LRP6: variants seen among roughly 807,000 people sequenced by gnomAD.
The protein encoded by LRP6 is low-density lipoprotein receptor-related protein 6.
A neutral mutation model predicts 184.1 loss-of-function variants in LRP6; 43 were observed. The ratio of observed to expected loss-of-function variants is 0.23; its 90% confidence interval spans 0.18 to 0.30. The LOEUF is 0.30. Ranked by LOEUF, LRP6 falls within the 10% of genes least tolerant of loss-of-function variation. The pLI, the probability that LRP6 is intolerant of heterozygous loss-of-function variation, is 1.00. For missense variants in LRP6, 1,571 were observed against 2,005.3 expected (o/e 0.78, Z 4.14); for synonymous variants, 719 against 684.9 (o/e 1.05, Z -0.78).
At chr12:12,203,490 C>G (rs763389750) in intron 2 of LRP6, 90 bp from the exon 3 acceptor site, 7 of 1,050,210 alleles carry the variant, frequency 6.7e-6, no homozygotes, top group Non-Finnish European at 1.0e-5. Flanking sequence ...GCTCAGGCCG[C>G]GCGCAGTGGC....
chr12:12,252,402 T>C (rs1865344962), intron 1 of LRP6, among the ~76,000 whole-genome samples: 1 of 152,224 alleles, frequency 6.6e-6, no homozygotes, highest in South Asian at 2.1e-4. Flanking sequence ...GTTTATTTGA[T>C]CAAACGTTAT....
intron 15 of LRP6, 34 bp from the exon 16 acceptor site, chr12:12,138,568 C>T: frequency 6.4e-7 from 1 of 1,554,390 alleles, no homozygotes; most frequent in Non-Finnish European, 8.9e-7. Flanking sequence ...AGAAATGACT[C>T]ATGTGGGTCA....
chr12:12,155,514 T>C, intron 12 of LRP6: 1 of 786,454 alleles, frequency 1.3e-6, no homozygotes, highest in Non-Finnish European at 2.3e-6. Flanking sequence ...GGCAAGATTC[T>C]TGCCAACAGA....
chr12:12,183,652 T>C (rs1015400394), intron 5 of LRP6, among the ~76,000 whole-genome samples: 1 of 152,250 alleles, frequency 6.6e-6, no homozygotes, highest in Non-Finnish European at 1.5e-5. Flanking sequence ...TCACAAATGC[T>C]ACCTGTTAAA....
At chr12:12,220,723 T>C (rs1458460950) in intron 2 of LRP6, among the ~76,000 whole-genome samples, 2 of 151,766 alleles carry the variant, frequency 1.3e-5, no homozygotes, top group East Asian at 1.9e-4. Context: ...CTCAGCCTCC[T>C]GAGTAAATGG....
intron 19 of LRP6, among the ~76,000 whole-genome samples, chr12:12,129,567 T>C (rs1033798951): frequency 6.6e-6 from 1 of 152,162 alleles, no homozygotes; most frequent in Non-Finnish European, 1.5e-5. Context: ...TTTTCTTTTT[T>C]TTTGAGATGG....
rs916029851 is a variant in LRP6 at position 12,119,295 on chromosome 12, C to A, written c.*1831G>T. The A allele has an allele frequency of 6.6e-6, 1 of 151,908 alleles. No individual in the cohort carries two copies. Among genetic ancestry groups the A allele is most frequent in the African/African-American group, 2.4e-5 (1 of 41,336 alleles). The allele number at this position is 151,908 out of a possible 1,614,324, so 9.4% of individuals were successfully genotyped here. A position where few individuals can be genotyped will look rare whatever the true frequency, so the allele number is the denominator to read the frequency against. Reference sequence around the variant, plus strand: ...TGCCCAAATTCTGAATCCTTTCTTCCACTGTTTTCTCTTGGGCCCTGAAAC... The same window carrying A: ...TGCCCAAATTCTGAATCCTTTCTTCAACTGTTTTCTCTTGGGCCCTGAAAC... On this transcript the variant is annotated 3_prime_UTR_variant, in exon 23 of 23. Coordinates refer to ENST00000261349, the MANE Select transcript of LRP6 (RefSeq NM_002336.3).
chr12:12,163,204 G>A (rs1205780907), intron 9 of LRP6, among the ~76,000 whole-genome samples: 2 of 152,060 alleles, frequency 1.3e-5, no homozygotes, highest in Non-Finnish European at 2.9e-5. Flanking sequence ...TCAAACTCGT[G>A]ACCTCAGGTG....
rs867111551 is a variant in LRP6 at position 12,125,372 on chromosome 12, G to T, written c.4373C>A (p.Pro1458His). 3.7e-6 allele frequency: 6 copies of T among 1,613,742 alleles called. No individual in the cohort carries two copies. Among genetic ancestry groups the T allele is most frequent in the African/African-American group, 1.3e-5 (1 of 74,852 alleles). Residue 1458 changes from proline (P) to histidine (H), a missense_variant, in exon 21 of 23, where the codon CCC becomes CAC. By Grantham distance (77) the Pro-to-His change is moderately conservative. Transcript: ENST00000261349. ...TGTAACATGGGCTCGGTCATAGGGG[G>T]GTCCACTGCTTCCCCCCATGATACT... ...SLSIMGGSSG[P>H]PYDRAHVTGA...
intron 1 of LRP6, among the ~76,000 whole-genome samples, chr12:12,262,012 G>A (rs905957225): frequency 2.6e-5 from 4 of 152,162 alleles, no homozygotes; most frequent in East Asian, 1.9e-4. Flanking sequence ...GGAGGCAGAG[G>A]TGGGTGGATC....
intron 17 of LRP6, among the ~76,000 whole-genome samples, 199 bp downstream of exon 17, chr12:12,134,976 T>C (rs1949812801): frequency 6.6e-6 from 1 of 151,564 alleles, no homozygotes; most frequent in Admixed American, 6.6e-5. Context: ...AGAAACAGAG[T>C]AAAATGATGA....
At chr12:12,239,964 GA>G (rs1232151535) in intron 2 of LRP6, among the ~76,000 whole-genome samples, 1 of 148,012 alleles carries the variant, frequency 6.8e-6, no homozygotes. Context: ...TTGATATGAA[GA>G]AACTAAAACT....
chr12:12,207,770 A>G (rs1215844104), intron 2 of LRP6, among the ~76,000 whole-genome samples: 1 of 152,148 alleles, frequency 6.6e-6, no homozygotes, highest in African/African-American at 2.4e-5. Flanking sequence ...CTGGCTGAAC[A>G]TGGGTCAAAT....
At chr12:12,222,088 C>A (rs865861843) in intron 2 of LRP6, among the ~76,000 whole-genome samples, 5 of 152,096 alleles carry the variant, frequency 3.3e-5, no homozygotes, top group African/African-American at 9.7e-5. Context: ...AAAAGCTCTA[C>A]AAATTGGGAA....
chr12:12,137,580 CTAAGAA>C (rs1283385615), intron 16 of LRP6, among the ~76,000 whole-genome samples: 4 of 151,824 alleles, frequency 2.6e-5, no homozygotes, highest in African/African-American at 9.7e-5. Context: ...TTTGTTTTGC[CTAAGAA>C]TAAGATTAAC....
At chr12:12,214,418 A>C (rs1591954044) in intron 2 of LRP6, among the ~76,000 whole-genome samples, 1 of 152,234 alleles carries the variant, frequency 6.6e-6, no homozygotes, top group East Asian at 1.9e-4. Flanking sequence ...TCAAAGGCCC[A>C]GTCAGCTTAC....
At chr12:12,252,798 T>C (rs903978226) in intron 1 of LRP6, among the ~76,000 whole-genome samples, 2 of 152,236 alleles carry the variant, frequency 1.3e-5, no homozygotes, top group Non-Finnish European at 2.9e-5. Context: ...TCTTTTTCCT[T>C]GATAATCTTG....
chr12:12,222,481 C>G (rs1192611634), intron 2 of LRP6, among the ~76,000 whole-genome samples: 1 of 151,192 alleles, frequency 6.6e-6, no homozygotes, highest in Non-Finnish European at 1.5e-5. Flanking sequence ...GCAGGAGAAT[C>G]GCTTGAATCC....
rs1213917691 is a variant in LRP6, at chr12:12,164,487, G to A, written c.1838C>T (p.Ala613Val). Reference protein sequence around the residue: ...CLYRPQGLRCACPIGFELISD... With the variant: ...CLYRPQGLRCVCPIGFELISD... ...GATGAGTTCAAAGCCAATAGGGCAA[G>A]CACAGCGAAGGCCCTGAGGTCTATA... is the stretch of plus-strand genomic sequence containing the variant. The change falls in exon 9 of 23, where the codon GCT (alanine) becomes GTT (valine). Residue 613 changes from alanine to valine, a missense_variant. Physicochemically the swap from Ala to Val is moderately conservative, Grantham distance 64. Coordinates refer to ENST00000261349, the MANE Select transcript of LRP6 (RefSeq NM_002336.3). 1.9e-6 allele frequency: 3 copies of A among 1,614,164 alleles called. No individual in the cohort carries two copies. Among genetic ancestry groups the A allele is most frequent in the Non-Finnish European group, 1.7e-6 (2 of 1,180,020 alleles).
Sources: gnomAD v4.1 joint callset for allele counts (sites outside exome capture counted in the v4.1 genomes callset) on GRCh38, gnomAD v4.1.1 for gene constraint, MANE v1.5 for transcripts, NCBI Gene and HGNC (gene_info 2026-07-23, HGNC 2026-07-21) for gene names.